The following PTPRK variants were observed in gnomAD, a reference collection of about 807,000 sequenced individuals.
PTPRK encodes the protein protein tyrosine phosphatase receptor type K, also known as receptor-type tyrosine-protein phosphatase kappa.
PTPRK carries 75 observed loss-of-function variants against 178.0 expected under a neutral mutation model. The observed-to-expected ratio is 0.42, with a 90% CI of 0.35 to 0.51. PTPRK has a LOEUF of 0.51. Among genes scored for constraint, PTPRK ranks in the 20% least tolerant of loss-of-function variants. The pLI, the probability that PTPRK is intolerant of heterozygous loss-of-function variation, is 0.02. For missense variants in PTPRK, 1,441 were observed against 1,797.8 expected (o/e 0.80, Z 3.59); for synonymous variants, 637 against 620.6 (o/e 1.03, Z -0.39).
At chr6:128,479,026 G>T (rs1444169277) in intron 1 of PTPRK, among the ~76,000 whole-genome samples, 1 of 151,982 alleles carries the variant, frequency 6.6e-6, no homozygotes, top group East Asian at 1.9e-4. Context: ...TTCTCAGTGG[G>T]CAGGGGGATA....
chr6:128,299,543 A>G (rs1330534308), intron 3 of PTPRK, among the ~76,000 whole-genome samples: 1 of 151,196 alleles, frequency 6.6e-6, no homozygotes, highest in East Asian at 1.9e-4. Flanking sequence ...AATGGAACAG[A>G]ACAGAGCCCT....
intron 1 of PTPRK, among the ~76,000 whole-genome samples, chr6:128,481,641 T>A (rs1852094053): frequency 6.6e-6 from 1 of 152,086 alleles, no homozygotes; most frequent in Non-Finnish European, 1.5e-5. Flanking sequence ...TAAATCTACC[T>A]CCCTCTTTCT....
At chr6:128,117,487 T>C (rs1344841072) in intron 7 of PTPRK, among the ~76,000 whole-genome samples, 4 of 152,154 alleles carry the variant, frequency 2.6e-5, no homozygotes, top group East Asian at 1.9e-4. Flanking sequence ...TTTGAATCCA[T>C]TGGCAACAAA....
At chr6:128,470,349 GTGT>G (rs1260779051) in intron 1 of PTPRK, among the ~76,000 whole-genome samples, 1 of 151,696 alleles carries the variant, frequency 6.6e-6, no homozygotes, top group Non-Finnish European at 1.5e-5. Flanking sequence ...TAATTATGAA[GTGT>G]TGTTTGAGCT....
chr6:128,436,739 G>C (rs1299722506), intron 1 of PTPRK, among the ~76,000 whole-genome samples: 1 of 152,088 alleles, frequency 6.6e-6, no homozygotes, highest in Non-Finnish European at 1.5e-5. Context: ...AACCTAGGCA[G>C]TATTTGTCCT....
chr6:128,439,866 G>T (rs1183673782), intron 1 of PTPRK, among the ~76,000 whole-genome samples: 1 of 152,132 alleles, frequency 6.6e-6, no homozygotes, highest in East Asian at 1.9e-4. Flanking sequence ...TTTACATTCT[G>T]ACTCATACTA....
chr6:128,151,012 G>T (rs1797168105), intron 7 of PTPRK, among the ~76,000 whole-genome samples: 1 of 151,970 alleles, frequency 6.6e-6, no homozygotes, highest in South Asian at 2.1e-4. Flanking sequence ...GGGATTGTAG[G>T]ACTAAAACAA....
At chr6:127,987,698 C>T (rs1776139751) in intron 21 of PTPRK, among the ~76,000 whole-genome samples, 1 of 151,988 alleles carries the variant, frequency 6.6e-6, no homozygotes, top group Non-Finnish European at 1.5e-5. Flanking sequence ...CCTCTTGCTG[C>T]CTTATTTCAT....
At chr6:128,160,688 T>C (rs1047865008) in intron 7 of PTPRK, among the ~76,000 whole-genome samples, 1 of 151,700 alleles carries the variant, frequency 6.6e-6, no homozygotes, top group Non-Finnish European at 1.5e-5. Flanking sequence ...CTAAATTGAA[T>C]GTAATAATGG....
At chr6:128,098,915 T>C (rs1339613034) in intron 7 of PTPRK, among the ~76,000 whole-genome samples, 1 of 151,870 alleles carries the variant, frequency 6.6e-6, no homozygotes, top group Non-Finnish European at 1.5e-5. Context: ...GTATGCTCTT[T>C]GAGGAGGGGT....
At chr6:128,011,337 A>G (rs142925573) in intron 13 of PTPRK, among the ~76,000 whole-genome samples, 4 of 151,298 alleles carry the variant, frequency 2.6e-5, no homozygotes, top group South Asian at 4.1e-4. Context: ...TGATTTTCTG[A>G]CATATCTGAG....
At chr6:128,261,056 C>A (rs1818104842) in intron 3 of PTPRK, among the ~76,000 whole-genome samples, 1 of 152,100 alleles carries the variant, frequency 6.6e-6, no homozygotes, top group South Asian at 2.1e-4. Context: ...CTTGATCTGT[C>A]AATCTATCAA....
intron 1 of PTPRK, among the ~76,000 whole-genome samples, chr6:128,512,319 A>C (rs1376159741): frequency 6.6e-6 from 1 of 152,238 alleles, no homozygotes; most frequent in Non-Finnish European, 1.5e-5. Context: ...CAGTATCAAA[A>C]ATATAGAGAA....
chr6:128,137,085 A>C (rs959887002), intron 7 of PTPRK, among the ~76,000 whole-genome samples: 6 of 152,206 alleles, frequency 3.9e-5, no homozygotes, highest in Non-Finnish European at 5.9e-5. Context: ...TGCAGGGGAC[A>C]AAATATAACC....
At chr6:128,520,228 C>T in intron 1 of PTPRK, 31 bp downstream of exon 1, 7 of 1,547,852 alleles carry the variant, frequency 4.5e-6, no homozygotes, top group Non-Finnish European at 6.1e-6. Flanking sequence ...GGACTCCAGG[C>T]GTTCGTCGGG....
chr6:128,237,011 G>A lies in PTPRK; in HGVS notation c.693+3024C>T, dbSNP rs183704643. ...ATTATTTTAGACAACAAAAACGACT[G>A]ATATATTAATTATAACCTAGAAAGA... On this transcript the variant is annotated intron_variant, in intron 5 of 29. Coordinates refer to ENST00000368226, the MANE Select transcript of PTPRK (RefSeq NM_002844.4). Among the ~76,000 whole-genome samples the A allele has an allele frequency of 2.0e-5, 3 of 152,184 alleles. No individual in the cohort carries two copies. The East Asian group carries it at 5.8e-4, about 29-fold the overall frequency.
At chr6:128,019,587 A>G (rs1773160554) in intron 13 of PTPRK, among the ~76,000 whole-genome samples, 1 of 152,306 alleles carries the variant, frequency 6.6e-6, no homozygotes, top group South Asian at 2.1e-4. Flanking sequence ...ACACACAAAG[A>G]AAACATTTAC....
intron 1 of PTPRK, among the ~76,000 whole-genome samples, chr6:128,449,941 C>CAA (rs5879890): frequency 0.017 from 2,241 of 128,300 alleles, 24 homozygotes; most frequent in Non-Finnish European, 0.028. Context: ...ACTAAAAATG[C>CAA]AAAAAAAAAA....
chr6:128,235,530 T>C (rs949812497), intron 5 of PTPRK: 6 of 488,334 alleles, frequency 1.2e-5, no homozygotes, highest in African/African-American at 9.8e-5. Flanking sequence ...TCCTCAGGAA[T>C]ACAGACATCC....
Sources: gnomAD v4.1 joint callset for allele counts (sites outside exome capture counted in the v4.1 genomes callset) on GRCh38, gnomAD v4.1.1 for gene constraint, MANE v1.5 for transcripts, NCBI Gene and HGNC (gene_info 2026-07-23, HGNC 2026-07-21) for gene names.